The following ADGRA3 variants were observed in gnomAD, a reference collection of about 807,000 sequenced individuals.
ADGRA3 encodes G-protein coupled receptor 125.
ADGRA3 carries 56 observed loss-of-function variants against 119.8 expected under a neutral mutation model. The observed-to-expected ratio is 0.47, with a 90% CI of 0.38 to 0.58. The LOEUF is 0.58. Ranked by LOEUF, ADGRA3 falls within the 20% of genes least tolerant of loss-of-function variation. The probability of loss-of-function intolerance (pLI) is 0.00; values close to 1 mark genes in which losing one functional copy is unlikely to be tolerated. For synonymous variants in ADGRA3, 607 were observed against 623.8 expected (o/e 0.97, Z 0.40); for missense variants, 1,516 against 1,649.0 (o/e 0.92, Z 1.40).
At chr4:22,427,961 G>A (rs901955709) in intron 10 of ADGRA3, among the ~76,000 whole-genome samples, 2 of 152,232 alleles carry the variant, frequency 1.3e-5, no homozygotes, top group African/African-American at 2.4e-5. Context: ...AGAAACAAAT[G>A]CACCACATTA....
intron 12 of ADGRA3, chr4:22,414,023 G>T: frequency 2.4e-6 from 1 of 418,770 alleles, no homozygotes; most frequent in Non-Finnish European, 4.2e-6. Flanking sequence ...AAACAGAAAT[G>T]CAAACTTTAA....
Position 22,439,563 on chromosome 4 carries a change from C to T in ADGRA3, c.921-1143G>A, listed in dbSNP as rs114735557. Among the ~76,000 whole-genome samples the T allele has an allele frequency of 3.4e-3, 511 of 152,174 alleles. 3 individuals are homozygous for T. Among genetic ancestry groups the T allele is most frequent in the African/African-American group, 0.012 (479 of 41,522 alleles). On this transcript the variant is annotated intron_variant, in intron 7 of 18. Coordinates refer to ENST00000334304, the MANE Select transcript of ADGRA3 (RefSeq NM_145290.4). ...TTTGTCCGATCTCCTAAATCATTGA[C>T]GGCTACAGCAAATGTTCTAATAAAG...
intron 2 of ADGRA3, among the ~76,000 whole-genome samples, chr4:22,470,876 G>A (rs903121776): frequency 6.6e-6 from 1 of 152,166 alleles, no homozygotes; most frequent in Admixed American, 6.5e-5. Flanking sequence ...AGTCCCTGGG[G>A]ACTCTGAGGC....
intron 1 of ADGRA3, among the ~76,000 whole-genome samples, chr4:22,497,581 G>A (rs1050456451): frequency 6.6e-6 from 1 of 151,828 alleles, no homozygotes; most frequent in Non-Finnish European, 1.5e-5. Context: ...TCCCATTTTC[G>A]GAAGCCAAGG....
chr4:22,504,913 G>A (rs562244296), intron 1 of ADGRA3, among the ~76,000 whole-genome samples: 3 of 152,088 alleles, frequency 2.0e-5, no homozygotes, highest in African/African-American at 4.8e-5. Flanking sequence ...GAAGTCTGTG[G>A]TCCAAGCATC....
intron 1 of ADGRA3, among the ~76,000 whole-genome samples, chr4:22,512,735 C>G (rs1719491198): frequency 6.6e-6 from 1 of 152,146 alleles, no homozygotes; most frequent in Non-Finnish European, 1.5e-5. Context: ...CTAAAGTCCT[C>G]AGAGAGAGCA....
chr4:22,491,600 C>A, intron 1 of ADGRA3, among the ~76,000 whole-genome samples: 1 of 152,136 alleles, frequency 6.6e-6, no homozygotes, highest in East Asian at 1.9e-4. Flanking sequence ...CAACATCCAC[C>A]AAGTGATATC....
intron 10 of ADGRA3, among the ~76,000 whole-genome samples, chr4:22,426,558 C>G (rs1007569703): frequency 6.6e-6 from 1 of 152,146 alleles, no homozygotes; most frequent in Admixed American, 6.5e-5. Flanking sequence ...GAAACAAGCT[C>G]TATCTTCAAC....
At position 22,388,720 on chromosome 4, in the gene ADGRA3, G is replaced by A; in HGVS notation, c.2951C>T (p.Ser984Leu). The change falls in exon 19 of 19, where the codon TCA (serine) becomes TTA (leucine). Residue 984 changes from serine (S) to leucine (L), a missense_variant. By Grantham distance (145) the Ser-to-Leu change is moderately radical. Coordinates refer to ENST00000334304, the MANE Select transcript of ADGRA3 (RefSeq NM_145290.4). ...AAAAGTGTGCTCATTTTCCAAGGCT[G>A]ATGTAGAAATCAGAGACAAAGACAT... ...DSMSLSLIST[S>L]ALENEHTFHS... 1 of 1,614,062 alleles carries A rather than the reference G, an allele frequency of 6.2e-7. No individual in the cohort carries two copies. The highest frequency in any genetic ancestry group is 8.5e-7 in the Non-Finnish European group (1 of 1,179,982).
At chr4:22,480,460 G>C (rs1392879791) in intron 1 of ADGRA3, among the ~76,000 whole-genome samples, 1 of 152,036 alleles carries the variant, frequency 6.6e-6, no homozygotes, top group Admixed American at 6.6e-5. Context: ...GATTGCTTGA[G>C]CCCAGAAGTT....
rs1277268553 is a variant in ADGRA3, at chr4:22,435,302, G to GAGAA, written c.1443+5_1443+8dup. Reference sequence around the variant, plus strand: ...ACTGTATGCTACAAATCTGAATTTAGAGAAGTACCTCTTTTGATTTTTCCT... The same window carrying GAGAA: ...ACTGTATGCTACAAATCTGAATTTAGAGAAAGAAGTACCTCTTTTGATTTTTCCT... On this transcript the variant is annotated intron_variant, in intron 10 of 18. Transcript: ENST00000334304. 6.2e-7 allele frequency: 1 copy of GAGAA among 1,607,574 alleles called. No homozygotes were observed. Among genetic ancestry groups the GAGAA allele is most frequent in the African/African-American group, 1.3e-5 (1 of 74,792 alleles).
At chr4:22,463,996 C>G (rs1421294276) in intron 2 of ADGRA3, among the ~76,000 whole-genome samples, 1 of 152,100 alleles carries the variant, frequency 6.6e-6, no homozygotes, top group Non-Finnish European at 1.5e-5. Context: ...TTTCTTGCAT[C>G]TAATCCTCAT....
Position 22,483,926 on chromosome 4 carries a change from T to A in ADGRA3, c.258-10083A>T, listed in dbSNP as rs1416175926. 2.0e-5 allele frequency among the ~76,000 whole-genome samples: 3 copies of A among 152,202 alleles called. No individual in the cohort carries two copies. The East Asian group carries it at 5.8e-4, about 29-fold the overall frequency. Reference sequence around the variant, plus strand: ...AACTATCATTCAAGCAGGTCACAACTGGTAAGCTGCCAGCTAACTTATAAG... The same window carrying A: ...AACTATCATTCAAGCAGGTCACAACAGGTAAGCTGCCAGCTAACTTATAAG... On this transcript the variant is annotated intron_variant, in intron 1 of 18. Transcript: ENST00000334304.
intron 1 of ADGRA3, among the ~76,000 whole-genome samples, chr4:22,510,634 T>C (rs983820949): frequency 2.6e-5 from 4 of 152,140 alleles, no homozygotes; most frequent in African/African-American, 9.7e-5. Flanking sequence ...ATTCGTCCGA[T>C]ACCGTCTCTC....
rs546209322 is a variant in ADGRA3, at chr4:22,422,263, T to C, written c.1606-1174A>G. ...CATATGGATGTCTTTTTCTTTAAAG[T>C]ATGAAATTTTGATGCACGATGCTTA... On this transcript the variant is annotated intron_variant, in intron 11 of 18. Transcript: ENST00000334304. 3.7e-4 allele frequency among the ~76,000 whole-genome samples: 56 copies of C among 152,290 alleles called. 1 individual carries two copies. The South Asian group carries it at 6.0e-3, about 16-fold the overall frequency.
In ADGRA3 at chr4:22,426,584, A is replaced by T. The variant is rs569659857; in HGVS notation, c.1444-2232T>A. ...TATCTTCAACCTTATAGTCTGGTGA[A>T]GAAAATGCAAAACAAGCATATAAAT... is the stretch of plus-strand genomic sequence containing the variant. On this transcript the variant is annotated intron_variant, in intron 10 of 18. Transcript: ENST00000334304. Among the ~76,000 whole-genome samples, 5 of 152,384 alleles carry T rather than the reference A, an allele frequency of 3.3e-5. No individual in the cohort carries two copies. The South Asian group carries it at 1.0e-3, about 32-fold the overall frequency.
chr4:22,402,419 C>T (rs535219521), intron 15 of ADGRA3, among the ~76,000 whole-genome samples: 6 of 152,182 alleles, frequency 3.9e-5, no homozygotes, highest in African/African-American at 1.4e-4. Context: ...GTGTCCAATA[C>T]CTATTGCCCA....
In ADGRA3 at chr4:22,497,562, C is replaced by T. The variant is rs115287287; in HGVS notation, c.257+17966G>A. Among the ~76,000 whole-genome samples, 1,013 of 152,148 alleles carry T rather than the reference C, an allele frequency of 6.7e-3. 14 individuals are homozygous for T. Among genetic ancestry groups the T allele is most frequent in the African/African-American group, 0.023 (952 of 41,530 alleles). ...CAGTGAGGCCGGGCACGGTGGCTCA[C>T]GCCAGTAATCCCATTTTCGGAAGCC... On this transcript the variant is annotated intron_variant, in intron 1 of 18. Transcript: ENST00000334304.
At chr4:22,399,985 C>A (rs1714542594) in intron 16 of ADGRA3, among the ~76,000 whole-genome samples, 1 of 152,096 alleles carries the variant, frequency 6.6e-6, no homozygotes, top group Non-Finnish European at 1.5e-5. Context: ...ACCCATAAAT[C>A]TTGAACATTT....
Sources: allele counts gnomAD v4.1 joint callset (sites outside exome capture counted in the v4.1 genomes callset), GRCh38; gene constraint gnomAD v4.1.1; transcripts MANE v1.5; gene names NCBI Gene and HGNC (gene_info 2026-07-23, HGNC 2026-07-21).